ADGRL3: variants seen among roughly 807,000 people sequenced by gnomAD.
ADGRL3 encodes adhesion G protein-coupled receptor L3, also known as calcium-independent alpha-latrotoxin receptor 3.
A neutral mutation model predicts 153.5 loss-of-function variants in ADGRL3; 62 were observed. That is an observed-to-expected ratio of 0.40 (90% CI 0.33 to 0.50). The LOEUF (loss-of-function observed/expected upper bound fraction) is 0.50, where lower values mean the gene tolerates loss of function less well. Among genes scored for constraint, ADGRL3 ranks in the 20% least tolerant of loss-of-function variants. ADGRL3 has a pLI of 0.47. For missense variants in ADGRL3, 1,641 were observed against 1,859.4 expected (o/e 0.88, Z 2.16); for synonymous variants, 710 against 672.5 (o/e 1.06, Z -0.86).
intron 1 of ADGRL3, among the ~76,000 whole-genome samples, chr4:61,320,302 T>C (rs2095328451): frequency 6.6e-6 from 1 of 152,216 alleles, no homozygotes; most frequent in African/African-American, 2.4e-5. Context: ...TGTTAACAAC[T>C]CAAACCAGTA....
chr4:61,542,249 G>A (rs1008560609), intron 4 of ADGRL3, among the ~76,000 whole-genome samples: 4 of 152,122 alleles, frequency 2.6e-5, no homozygotes, highest in African/African-American at 9.7e-5. Flanking sequence ...AATGGGCTGA[G>A]ACCAATTTAG....
intron 20 of ADGRL3, among the ~76,000 whole-genome samples, chr4:61,997,530 A>AT (rs34022379): frequency 0.45 from 68,990 of 151,862 alleles, 17,797 homozygotes; most frequent in Non-Finnish European, 0.58. Context: ...GCAACTCACT[A>AT]TGTGGTTTTT....
At chr4:61,745,467 G>C (rs2096643982) in intron 8 of ADGRL3, among the ~76,000 whole-genome samples, 1 of 152,124 alleles carries the variant, frequency 6.6e-6, no homozygotes, top group South Asian at 2.1e-4. Context: ...AAGAAAGGCA[G>C]GGTTACCCAC....
At chr4:61,215,003 G>A (rs1741971912) in intron 1 of ADGRL3, among the ~76,000 whole-genome samples, 1 of 152,064 alleles carries the variant, frequency 6.6e-6, no homozygotes, top group Non-Finnish European at 1.5e-5. Context: ...TAAAATTAAA[G>A]AGGAAAACAG....
chr4:61,512,945 C>T (rs1180195961), intron 3 of ADGRL3, among the ~76,000 whole-genome samples: 1 of 151,998 alleles, frequency 6.6e-6, no homozygotes, highest in African/African-American at 2.4e-5. Context: ...CTGTAAGGCT[C>T]ATGGTTGGGT....
intron 21 of ADGRL3, among the ~76,000 whole-genome samples, chr4:62,006,577 A>ATT (rs34336604): frequency 8.4e-5 from 11 of 130,760 alleles, no homozygotes; most frequent in South Asian, 2.4e-4. Context: ...CAATGTATAG[A>ATT]TTTTTTTTTT....
At chr4:61,512,124 T>C (rs962911699) in intron 3 of ADGRL3, among the ~76,000 whole-genome samples, 4 of 81,142 alleles carry the variant, frequency 4.9e-5, no homozygotes, top group Non-Finnish European at 7.2e-5. Flanking sequence ...TTTCTTTCCC[T>C]TTTATTATAT....
At chr4:61,672,098 C>T (rs1012296112) in intron 5 of ADGRL3, among the ~76,000 whole-genome samples, 1 of 152,104 alleles carries the variant, frequency 6.6e-6, no homozygotes, top group African/African-American at 2.4e-5. Context: ...TTGACCTGTG[C>T]TTCTGGGGTC....
In ADGRL3 at chr4:61,892,707, C is replaced by T. The variant is rs141921843; in HGVS notation, c.1532C>T (p.Thr511Ile). 2,284 of 1,613,998 alleles carry T rather than the reference C, an allele frequency of 1.4e-3. 24 individuals are homozygous for T. In the East Asian group the frequency reaches 0.024, roughly 17 times the overall value. The change falls in exon 10 of 27, where the codon ACC becomes ATC. Residue 511 changes from threonine (T) to isoleucine (I), a missense_variant. By Grantham distance (89) the Thr-to-Ile change is moderately conservative. Transcript: ENST00000683033. ...LGMGSTTTST[T>I]LRTTTLSPGR... is the part of the protein sequence containing the mutation. ...ATGGGAAGCACTACCACCAGTACCACCCTTCGGACCACAACTTTGAGCCCA... is the reference window on the plus strand; with the variant it reads ...ATGGGAAGCACTACCACCAGTACCATCCTTCGGACCACAACTTTGAGCCCA...
intron 25 of ADGRL3, among the ~76,000 whole-genome samples, chr4:62,065,753 C>G (rs1251607996): frequency 6.6e-6 from 1 of 151,930 alleles, no homozygotes; most frequent in African/African-American, 2.4e-5. Context: ...AATTCAATAT[C>G]TGCCTTCTTG....
intron 5 of ADGRL3, among the ~76,000 whole-genome samples, chr4:61,672,267 T>C (rs1436700764): frequency 1.3e-5 from 2 of 152,166 alleles, no homozygotes; most frequent in Non-Finnish European, 2.9e-5. Context: ...TTCTTCTTCA[T>C]GTAGATATCC....
chr4:61,761,990 C>T (rs748093759), intron 8 of ADGRL3, among the ~76,000 whole-genome samples: 3 of 152,282 alleles, frequency 2.0e-5, no homozygotes, highest in African/African-American at 4.8e-5. Flanking sequence ...ACCTGTACTT[C>T]AGAGTATTTA....
At chr4:61,674,331 A>G (rs934488295) in intron 5 of ADGRL3, among the ~76,000 whole-genome samples, 10 of 151,720 alleles carry the variant, frequency 6.6e-5, no homozygotes, top group African/African-American at 2.4e-4. Context: ...TGCTCTGGTC[A>G]GAAATGAGTA....
chr4:61,686,699 A>C (rs767004654), intron 6 of ADGRL3, among the ~76,000 whole-genome samples: 1 of 152,066 alleles, frequency 6.6e-6, no homozygotes, highest in Non-Finnish European at 1.5e-5. Context: ...ATTGTCAACT[A>C]TAGTCACCGT....
intron 8 of ADGRL3, among the ~76,000 whole-genome samples, chr4:61,767,151 T>A (rs190487924): frequency 2.0e-5 from 3 of 151,252 alleles, no homozygotes; most frequent in East Asian, 3.9e-4. Flanking sequence ...GGGTTAAGGT[T>A]GGGGGATACA....
At chr4:61,301,729 G>T (rs1287644874) in intron 1 of ADGRL3, among the ~76,000 whole-genome samples, 2 of 152,108 alleles carry the variant, frequency 1.3e-5, no homozygotes, top group African/African-American at 4.8e-5. Flanking sequence ...TGTAGAAAAA[G>T]ATTTTTCTGG....
chr4:61,626,003 T>C (rs2092808782), intron 5 of ADGRL3, among the ~76,000 whole-genome samples: 1 of 152,054 alleles, frequency 6.6e-6, no homozygotes, highest in African/African-American at 2.4e-5. Flanking sequence ...CAGAGTAAAT[T>C]AAATGCCATT....
intron 1 of ADGRL3, among the ~76,000 whole-genome samples, chr4:61,301,739 G>T (rs979143960): frequency 3.4e-4 from 51 of 152,192 alleles, no homozygotes; most frequent in African/African-American, 1.2e-3. Flanking sequence ...GATTTTTCTG[G>T]AATATTGGGA....
intron 1 of ADGRL3, among the ~76,000 whole-genome samples, chr4:61,208,612 C>G (rs1375381516): frequency 6.6e-6 from 1 of 152,072 alleles, no homozygotes; most frequent in Non-Finnish European, 1.5e-5. Context: ...TTATTTTACT[C>G]TCACACTTTA....
Sources: gnomAD v4.1 joint callset for allele counts (sites outside exome capture counted in the v4.1 genomes callset) on GRCh38, gnomAD v4.1.1 for gene constraint, MANE v1.5 for transcripts, NCBI Gene and HGNC (gene_info 2026-07-23, HGNC 2026-07-21) for gene names.